Variants in TLK1 observed in about 807,000 individuals in gnomAD.
The protein encoded by TLK1 is tousled like kinase 1, also known as serine/threonine-protein kinase tousled-like 1.
In TLK1, 24 loss-of-function variants were observed where a neutral mutation model predicts 105.3. The observed-to-expected ratio is 0.23, with a 90% CI of 0.17 to 0.32. The LOEUF is 0.32. TLK1 is among the 10% of genes least tolerant of loss of function. The pLI is 1.00. For missense variants in TLK1, 558 were observed against 910.5 expected (o/e 0.61, Z 4.98); for synonymous variants, 321 against 310.4 (o/e 1.03, Z -0.36).
At chr2:171,049,544 A>G (rs1294893614) in intron 10 of TLK1, among the ~76,000 whole-genome samples, 1 of 152,196 alleles carries the variant, frequency 6.6e-6, no homozygotes, top group Non-Finnish European at 1.5e-5. Context: ...CCCTCTCAAA[A>G]CATCATCTGT....
At chr2:171,086,172 A>G (rs771315538) in intron 2 of TLK1, among the ~76,000 whole-genome samples, 4 of 152,250 alleles carry the variant, frequency 2.6e-5, no homozygotes, top group Non-Finnish European at 4.4e-5. Flanking sequence ...CAATAAAAAT[A>G]TAAGTAGGTA....
chr2:171,187,162 A>G (rs1693047334), intron 1 of TLK1, among the ~76,000 whole-genome samples: 1 of 151,864 alleles, frequency 6.6e-6, no homozygotes, highest in Non-Finnish European at 1.5e-5. Context: ...TGGTCCAGGT[A>G]AGAGTAATTC....
At chr2:171,152,426 C>T (rs1692078916) in intron 1 of TLK1, among the ~76,000 whole-genome samples, 1 of 152,148 alleles carries the variant, frequency 6.6e-6, no homozygotes, top group Non-Finnish European at 1.5e-5. Flanking sequence ...GCATATCTTT[C>T]CACTCCATGA....
intron 3 of TLK1, among the ~76,000 whole-genome samples, chr2:171,075,720 T>C (rs967341762): frequency 2.0e-5 from 3 of 152,180 alleles, no homozygotes; most frequent in African/African-American, 7.2e-5. Flanking sequence ...AAATGTATCC[T>C]AGGGCATCCA....
intron 1 of TLK1, among the ~76,000 whole-genome samples, chr2:171,215,535 C>T (rs532314835): frequency 6.6e-6 from 1 of 152,310 alleles, no homozygotes; most frequent in South Asian, 2.1e-4. Context: ...ATTGCTCTTA[C>T]TCTGATAGAG....
intron 2 of TLK1, among the ~76,000 whole-genome samples, chr2:171,108,104 G>T (rs1690011916): frequency 6.6e-6 from 1 of 151,200 alleles, no homozygotes; most frequent in African/African-American, 2.4e-5. Flanking sequence ...CAGGAGCCAG[G>T]AGACCACAGC....
intron 2 of TLK1, among the ~76,000 whole-genome samples, chr2:171,103,859 T>C (rs770704936): frequency 3.9e-5 from 6 of 152,182 alleles, no homozygotes; most frequent in Admixed American, 2.0e-4. Context: ...AATTCATATA[T>C]AGAAAACCCT....
chr2:171,011,649 T>C (rs898104504), intron 13 of TLK1, among the ~76,000 whole-genome samples, 195 bp from the exon 14 acceptor site: 1 of 152,204 alleles, frequency 6.6e-6, no homozygotes, highest in Non-Finnish European at 1.5e-5. Flanking sequence ...TCTTAAGGCT[T>C]TGGCGCTCAC....
intron 1 of TLK1, among the ~76,000 whole-genome samples, chr2:171,220,058 A>G (rs1292010221): frequency 6.6e-6 from 1 of 152,100 alleles, no homozygotes; most frequent in Non-Finnish European, 1.5e-5. Context: ...TGTCCATTGT[A>G]CTCTTTTTGA....
At chr2:171,040,052 C>A (rs1686584794) in intron 11 of TLK1, among the ~76,000 whole-genome samples, 1 of 151,820 alleles carries the variant, frequency 6.6e-6, no homozygotes, top group Non-Finnish European at 1.5e-5. Context: ...ATATGTGTGT[C>A]TGTGTATAGA....
rs548164504 is a variant in TLK1, at chr2:171,148,677, G to A, written c.139+11613C>T. 8.6e-5 allele frequency among the ~76,000 whole-genome samples: 13 copies of A among 151,970 alleles called. No homozygotes were observed. In the South Asian group the frequency reaches 2.1e-3, roughly 24 times the overall value. On this transcript the variant is annotated intron_variant, in intron 1 of 20. Coordinates refer to ENST00000431350, the MANE Select transcript of TLK1 (RefSeq NM_012290.5). ...AAGGGCAGATCACCTGAGGTCAGGC[G>A]TTCGAGACCAGCCTGGCCAACATGG...
At chr2:170,997,666 C>A (rs1320975963) in intron 19 of TLK1, 46 bp downstream of exon 19, 14 of 1,275,858 alleles carry the variant, frequency 1.1e-5, no homozygotes, top group Non-Finnish European at 1.5e-5. Flanking sequence ...AAAAATTCAA[C>A]TTAATTTATC....
chr2:171,219,059 C>T (rs1224692605), intron 1 of TLK1, among the ~76,000 whole-genome samples: 4 of 152,024 alleles, frequency 2.6e-5, no homozygotes, highest in East Asian at 3.9e-4. Context: ...AAATCCAGGA[C>T]GATTTGACTC....
intron 20 of TLK1, among the ~76,000 whole-genome samples, chr2:170,995,677 T>G (rs1414765301): frequency 1.3e-5 from 2 of 152,222 alleles, no homozygotes; most frequent in African/African-American, 4.8e-5. Flanking sequence ...CAAAAATAAT[T>G]CATTTTGCTT....
At chr2:171,069,845 A>G (rs762729473) in intron 3 of TLK1, among the ~76,000 whole-genome samples, 4 of 152,256 alleles carry the variant, frequency 2.6e-5, no homozygotes, top group African/African-American at 4.8e-5. Context: ...GTAAATACCA[A>G]ATAGTTGTAA....
At chr2:171,027,013 C>A (rs2105391262) in intron 12 of TLK1, among the ~76,000 whole-genome samples, 1 of 152,124 alleles carries the variant, frequency 6.6e-6, no homozygotes, top group African/African-American at 2.4e-5. Context: ...GCTTTCTGGG[C>A]AGTTGGCATA....
intron 12 of TLK1, among the ~76,000 whole-genome samples, chr2:171,026,602 C>A (rs969567718): frequency 6.6e-6 from 1 of 152,084 alleles, no homozygotes; most frequent in Non-Finnish European, 1.5e-5. Context: ...CTCAAGTACA[C>A]CTTGGAATCA....
chr2:171,008,513 T>C (rs1475678548), intron 14 of TLK1, among the ~76,000 whole-genome samples: 1 of 152,176 alleles, frequency 6.6e-6, no homozygotes, highest in African/African-American at 2.4e-5. Context: ...TATCAGAGTA[T>C]ACTGATTATA....
intron 11 of TLK1, among the ~76,000 whole-genome samples, chr2:171,039,316 AGTGC>A (rs1686536381): frequency 6.6e-6 from 1 of 152,170 alleles, no homozygotes; most frequent in South Asian, 2.1e-4. Flanking sequence ...CCCAGGCTGG[AGTGC>A]AATGGCACGC....
Sources: gnomAD v4.1 joint callset for allele counts (sites outside exome capture counted in the v4.1 genomes callset) on GRCh38, gnomAD v4.1.1 for gene constraint, MANE v1.5 for transcripts, NCBI Gene and HGNC (gene_info 2026-07-23, HGNC 2026-07-21) for gene names.